Variants in MSL3 observed in about 807,000 individuals in gnomAD.
MSL3 encodes MSL3-like 1.
Under a neutral mutation model 37.2 loss-of-function variants are expected in MSL3, and 5 were observed. The ratio of observed to expected loss-of-function variants is 0.13; its 90% confidence interval spans 0.07 to 0.28. The LOEUF is 0.28. Ranked by LOEUF, MSL3 falls within the 10% of genes least tolerant of loss-of-function variation. MSL3 has a pLI of 1.00. For synonymous variants in MSL3, 149 were observed against 147.6 expected (o/e 1.01, Z -0.07); for missense variants, 315 against 408.5 (o/e 0.77, Z 1.97).
intron 12 of MSL3, among the ~76,000 whole-genome samples, chrX:11,773,002 A>C (rs1002631342): frequency 8.9e-6 from 1 of 112,473 alleles, no homozygotes; most frequent in African/African-American, 3.2e-5. Flanking sequence ...TAAATTTTCT[A>C]AAGTAGAAGT....
chrX:11,774,339 A>T (rs1231645598), intron 12 of MSL3, among the ~76,000 whole-genome samples: 1 of 111,697 alleles, frequency 9.0e-6, no homozygotes, highest in African/African-American at 3.3e-5. Flanking sequence ...TTTATTTTTG[A>T]GACGGAGTCT....
rs745474833 is a variant in MSL3, at chrX:11,762,910, C to T, written c.662C>T (p.Ala221Val). Residue 221 changes from alanine (A) to valine (V), a missense_variant, in exon 7 of 13, where the codon GCA becomes GTA. Coordinates refer to ENST00000312196, the MANE Select transcript of MSL3 (RefSeq NM_078629.4). ...TATGTGAAGCATTTTGCTATCAATG[C>T]AGCCTTTTCAGCCAATGAGAGGCCT... ...ESYVKHFAINAAFSANERPRH... is the reference protein window; with the variant it reads ...ESYVKHFAINVAFSANERPRH... The T allele has an allele frequency of 1.7e-6, 2 of 1,209,513 alleles. No homozygotes were observed. Among genetic ancestry groups the T allele is most frequent in the Admixed American group, 2.2e-5 (1 of 45,945 alleles).
At chrX:11,773,946 T>A (rs1436960645) in intron 12 of MSL3, among the ~76,000 whole-genome samples, 1 of 112,320 alleles carries the variant, frequency 8.9e-6, no homozygotes, top group Non-Finnish European at 1.9e-5. Context: ...TTGCACATTT[T>A]TAGGAATTTG....
At chrX:11,758,416 C>A (rs2053092025) in intron 1 of MSL3, 51 bp downstream of exon 1, 1 of 590,416 alleles carries the variant, frequency 1.7e-6, no homozygotes, top group Admixed American at 4.9e-5. Flanking sequence ...GACCCGGGAC[C>A]GGGGGCGGGG....
chrX:11,763,662 G>A (rs41304707), intron 7 of MSL3, 118 bp from the exon 8 acceptor site: 6,096 of 513,692 alleles, frequency 0.012, 39 homozygotes, highest in Middle Eastern at 0.028. Context: ...GTGTATGTAG[G>A]TGTAGTATAT....
chrX:11,774,622 A>T (rs1417965014), intron 12 of MSL3, among the ~76,000 whole-genome samples: 3 of 111,859 alleles, frequency 2.7e-5, no homozygotes, highest in Admixed American at 9.5e-5. Flanking sequence ...CCAGCCTATA[A>T]TCTGTTGTTT....
At chrX:11,773,612 C>G (rs755701948) in intron 12 of MSL3, among the ~76,000 whole-genome samples, 1 of 112,222 alleles carries the variant, frequency 8.9e-6, no homozygotes, top group East Asian at 2.8e-4. Flanking sequence ...CCAGCCTCTT[C>G]CTCAACAAAA....
At chrX:11,765,370 C>A (rs764139553) in intron 8 of MSL3, 97 bp from the exon 9 acceptor site, 1 of 1,031,729 alleles carries the variant, frequency 9.7e-7, no homozygotes, top group African/African-American at 1.9e-5. Context: ...ATATTTACGA[C>A]CCTCCTGGAG....
chrX:11,774,923 G>C, intron 12 of MSL3, 57 bp from the exon 13 acceptor site: 1 of 837,274 alleles, frequency 1.2e-6, no homozygotes, highest in East Asian at 3.1e-5. Flanking sequence ...TCAATATTTT[G>C]CTTGATGGTA....
At chrX:11,762,673 A>T (rs2053143229) in intron 6 of MSL3, among the ~76,000 whole-genome samples, 164 bp from the exon 7 acceptor site, 1 of 113,019 alleles carries the variant, frequency 8.8e-6, no homozygotes, top group African/African-American at 3.2e-5. Flanking sequence ...AGAGAAAAAA[A>T]GATCAAAGAG....
chrX:11,764,131 C>A, intron 8 of MSL3, 193 bp downstream of exon 8: 1 of 376,541 alleles, frequency 2.7e-6, no homozygotes, highest in Non-Finnish European at 4.5e-6. Flanking sequence ...ATGGCTCTGG[C>A]AGATTTTACC....
At chrX:11,773,367 C>T (rs2053246374) in intron 12 of MSL3, among the ~76,000 whole-genome samples, 1 of 112,059 alleles carries the variant, frequency 8.9e-6, no homozygotes, top group South Asian at 3.7e-4. Context: ...CTCATCCTAG[C>T]TACCTGACTT....
At chrX:11,769,908 G>A (rs1181527748) in intron 10 of MSL3, among the ~76,000 whole-genome samples, 1 of 112,684 alleles carries the variant, frequency 8.9e-6, no homozygotes, top group Non-Finnish European at 1.9e-5. Context: ...GCCCAGCCTA[G>A]GCAAAGAGCA....
chrX:11,775,018 C>T lies in MSL3; in HGVS notation c.1505C>T (p.Ser502Leu), dbSNP rs1209840930. ...TACCACGATGACTTCTTCCCAGAGT[C>T]GGCTTATGTCGCTGCCTGTGAGGCA... ...AEYHDDFFPE[S>L]AYVAACEAHY... The change falls in exon 13 of 13, where the codon TCG becomes TTG. Residue 502 changes from serine to leucine, a missense_variant. Physicochemically the swap from Ser to Leu is moderately radical, Grantham distance 145. Coordinates refer to ENST00000312196, the MANE Select transcript of MSL3 (RefSeq NM_078629.4). The T allele has an allele frequency of 4.1e-6, 5 of 1,207,270 alleles. No individual in the cohort carries two copies. The highest frequency in any genetic ancestry group is 3.5e-5 in the African/African-American group (2 of 56,767).
chrX:11,759,458 G>A (rs2053107993), intron 1 of MSL3: 3 of 317,908 alleles, frequency 9.4e-6, no homozygotes, highest in Non-Finnish European at 9.5e-6. Context: ...ACATAGGGGA[G>A]CCCAGGAGAC....
intron 10 of MSL3, among the ~76,000 whole-genome samples, chrX:11,770,425 C>T (rs763194721): frequency 8.9e-6 from 1 of 112,169 alleles, no homozygotes; most frequent in Admixed American, 9.4e-5. Context: ...GCTATTCCCA[C>T]TCCGGTCTGC....
At chrX:11,773,512 A>G (rs749871631) in intron 12 of MSL3, among the ~76,000 whole-genome samples, 5 of 112,174 alleles carry the variant, frequency 4.5e-5, no homozygotes, top group Admixed American at 2.8e-4. Context: ...AGATCCTTTC[A>G]TGTAGGCATT....
intron 12 of MSL3, 118 bp from the exon 13 acceptor site, chrX:11,774,861 AT>A: frequency 2.0e-6 from 1 of 503,737 alleles, no homozygotes; most frequent in Admixed American, 3.5e-5. Flanking sequence ...AATTATAGTC[AT>A]TTTTTTCTTC....
chrX:11,764,585 G>A (rs113498184), intron 8 of MSL3, among the ~76,000 whole-genome samples: 2 of 111,242 alleles, frequency 1.8e-5, no homozygotes, highest in African/African-American at 3.3e-5. Context: ...CTTCCTGAGA[G>A]AGTGGTCTGT....
Sources: gnomAD v4.1 joint callset for allele counts (sites outside exome capture counted in the v4.1 genomes callset) on GRCh38, gnomAD v4.1.1 for gene constraint, MANE v1.5 for transcripts, NCBI Gene and HGNC (gene_info 2026-07-23, HGNC 2026-07-21) for gene names.